ARID5B: variants seen among roughly 807,000 people sequenced by gnomAD.
The protein encoded by ARID5B is AT-rich interactive domain-containing protein 5B.
A neutral mutation model predicts 97.2 loss-of-function variants in ARID5B; 13 were observed. That is an observed-to-expected ratio of 0.13 (90% confidence interval 0.09 to 0.21). The LOEUF (loss-of-function observed/expected upper bound fraction) is 0.21, where lower values mean the gene tolerates loss of function less well. Among genes scored for constraint, ARID5B ranks in the 10% least tolerant of loss-of-function variants. The pLI, the probability that ARID5B is intolerant of heterozygous loss-of-function variation, is 1.00. For synonymous variants in ARID5B, 556 were observed against 570.3 expected (o/e 0.97, Z 0.36); for missense variants, 1,210 against 1,465.3 (o/e 0.83, Z 2.84).
At chr10:61,960,001 A>G (rs909774619) in intron 3 of ARID5B, among the ~76,000 whole-genome samples, 3 of 152,188 alleles carry the variant, frequency 2.0e-5, no homozygotes, top group East Asian at 1.9e-4. Flanking sequence ...CTGCTGGATG[A>G]TTTCCTTTAA....
At chr10:61,985,192 T>C (rs1838830242) in intron 3 of ARID5B, among the ~76,000 whole-genome samples, 1 of 151,884 alleles carries the variant, frequency 6.6e-6, no homozygotes, top group African/African-American at 2.4e-5. Context: ...GCTGTGACTC[T>C]TGTCAGAACA....
intron 2 of ARID5B, among the ~76,000 whole-genome samples, chr10:61,915,945 T>C (rs148238554): frequency 1.0e-3 from 153 of 152,244 alleles, no homozygotes; most frequent in African/African-American, 3.5e-3. Context: ...TAGTAGAGAC[T>C]GGGTTTCACC....
chr10:62,060,753 T>C (rs1839911430), intron 7 of ARID5B, among the ~76,000 whole-genome samples: 1 of 152,154 alleles, frequency 6.6e-6, no homozygotes, highest in Non-Finnish European at 1.5e-5. Flanking sequence ...GGAATATACG[T>C]TTTTATATGA....
chr10:62,094,625 T>A lies in ARID5B; in HGVS notation c.*1595T>A, dbSNP rs144368866. On this transcript the variant is annotated 3_prime_UTR_variant, in exon 10 of 10. Transcript: ENST00000279873. Reference sequence around the variant, plus strand: ...GAATGTCCGTTGTCATTCTTGCCACTGTATTCCATTTGCTACCGAGATATA... The same window carrying A: ...GAATGTCCGTTGTCATTCTTGCCACAGTATTCCATTTGCTACCGAGATATA... 6.1e-4 allele frequency: 140 copies of A among 231,028 alleles called. No individual in the cohort carries two copies. In the East Asian group the frequency reaches 8.4e-3, roughly 14 times the overall value. 14.3% of individuals were successfully genotyped at this position (231,028 alleles called of 1,614,324 possible). A position where few individuals can be genotyped will look rare whatever the true frequency, so the allele number is the denominator to read the frequency against.
chr10:62,009,273 C>T (rs1839186628), intron 4 of ARID5B, among the ~76,000 whole-genome samples: 1 of 152,150 alleles, frequency 6.6e-6, no homozygotes, highest in Non-Finnish European at 1.5e-5. Context: ...TCTTGGAGGA[C>T]TAAGGAACAC....
At chr10:61,954,255 G>A (rs865833121) in intron 3 of ARID5B, among the ~76,000 whole-genome samples, 10 of 151,976 alleles carry the variant, frequency 6.6e-5, no homozygotes, top group African/African-American at 2.4e-4. Flanking sequence ...TACTCGGGAG[G>A]CTGAGGCAGG....
intron 7 of ARID5B, among the ~76,000 whole-genome samples, chr10:62,066,327 CAG>C (rs1839988720): frequency 6.6e-6 from 1 of 152,140 alleles, no homozygotes; most frequent in Non-Finnish European, 1.5e-5. Flanking sequence ...ACCAAAAAAA[CAG>C]AGATGTGTGC....
At chr10:62,043,165 G>A (rs1250886319) in intron 4 of ARID5B, among the ~76,000 whole-genome samples, 1 of 152,086 alleles carries the variant, frequency 6.6e-6, no homozygotes, top group Non-Finnish European at 1.5e-5. Flanking sequence ...CCAGAGAGAA[G>A]GTGAGAGTTG....
intron 3 of ARID5B, among the ~76,000 whole-genome samples, chr10:61,960,696 T>C (rs1838458586): frequency 6.6e-6 from 1 of 152,158 alleles, no homozygotes; most frequent in South Asian, 2.1e-4. Flanking sequence ...TTTACTAGAT[T>C]AGGCTACTTG....
intron 3 of ARID5B, among the ~76,000 whole-genome samples, chr10:61,982,586 A>G (rs1838791435): frequency 6.6e-6 from 1 of 152,250 alleles, no homozygotes; most frequent in African/African-American, 2.4e-5. Context: ...ATCGTTATCC[A>G]TGAGGGAATA....
rs1045910550 is a variant in ARID5B, at chr10:61,997,071, C to T, written c.503-3020C>T. ...TTAGAGATGCTGAGTCACTGGTTCT[C>T]GATGGCACAGTATCTGATTCTGATG... On this transcript the variant is annotated intron_variant, in intron 3 of 9. Transcript: ENST00000279873. Among the ~76,000 whole-genome samples, 3 of 151,940 alleles carry T rather than the reference C, an allele frequency of 2.0e-5. 1 individual carries two copies. Among genetic ancestry groups the T allele is most frequent in the South Asian group, 4.2e-4 (2 of 4,806 alleles).
intron 3 of ARID5B, among the ~76,000 whole-genome samples, chr10:61,948,620 C>G (rs1838276621): frequency 6.6e-6 from 1 of 152,116 alleles, no homozygotes; most frequent in African/African-American, 2.4e-5. Context: ...CCCACCTTGG[C>G]CTACCAAAGT....
chr10:61,978,757 T>C (rs575627536), intron 3 of ARID5B, among the ~76,000 whole-genome samples: 5 of 152,244 alleles, frequency 3.3e-5, no homozygotes, highest in African/African-American at 7.2e-5. Flanking sequence ...AAGGGGATTT[T>C]GGGCTGAGAC....
At chr10:61,992,929 G>A (rs553358497) in intron 3 of ARID5B, among the ~76,000 whole-genome samples, 22 of 152,238 alleles carry the variant, frequency 1.4e-4, no homozygotes, top group African/African-American at 5.3e-4. Context: ...CCACAACAGT[G>A]CAATACTGAT....
chr10:61,918,238 G>A (rs974873253), intron 2 of ARID5B, among the ~76,000 whole-genome samples: 2 of 152,342 alleles, frequency 1.3e-5, no homozygotes, highest in Middle Eastern at 3.4e-3. Context: ...GCCTTGAAGA[G>A]TAGTTAAATG....
At chr10:62,047,501 T>G (rs961206194) in intron 4 of ARID5B, among the ~76,000 whole-genome samples, 1 of 152,174 alleles carries the variant, frequency 6.6e-6, no homozygotes, top group African/African-American at 2.4e-5. Flanking sequence ...GGTACTGCTC[T>G]CTCCCTAGCA....
At chr10:62,049,403 G>C in intron 4 of ARID5B, 1 of 1,550,090 alleles carries the variant, frequency 6.5e-7, no homozygotes. Flanking sequence ...GACTTCCAGG[G>C]ATGTGGCCGG....
intron 3 of ARID5B, among the ~76,000 whole-genome samples, chr10:61,955,786 G>A (rs969969177): frequency 1.3e-5 from 2 of 152,080 alleles, no homozygotes; most frequent in Non-Finnish European, 2.9e-5. Flanking sequence ...GAGTAGCTGG[G>A]ATTACAAGCA....
At chr10:61,953,399 G>A (rs764374530) in intron 3 of ARID5B, among the ~76,000 whole-genome samples, 2 of 152,056 alleles carry the variant, frequency 1.3e-5, no homozygotes, top group African/African-American at 4.8e-5. Flanking sequence ...ATGGCTGTGT[G>A]TATAAAGATA....
Sources: allele counts gnomAD v4.1 joint callset (sites outside exome capture counted in the v4.1 genomes callset), GRCh38; gene constraint gnomAD v4.1.1; transcripts MANE v1.5; gene names NCBI Gene and HGNC (gene_info 2026-07-23, HGNC 2026-07-21).